LUZP2: variants seen among roughly 807,000 people sequenced by gnomAD.
LUZP2 encodes leucine zipper protein 2.
In LUZP2, 52 loss-of-function variants were observed where a neutral mutation model predicts 51.6. The observed-to-expected ratio is 1.01, with a 90% CI of 0.81 to 1.27. The LOEUF (loss-of-function observed/expected upper bound fraction) is 1.27, where lower values mean the gene tolerates loss of function less well. Among genes scored for constraint, LUZP2 ranks in the 50% most tolerant of loss-of-function variants. The probability of loss-of-function intolerance (pLI) is 0.00; values close to 1 mark genes in which losing one functional copy is unlikely to be tolerated. For missense variants in LUZP2, 436 were observed against 395.4 expected (o/e 1.10, Z -0.87); for synonymous variants, 154 against 137.3 (o/e 1.12, Z -0.85).
intron 4 of LUZP2, among the ~76,000 whole-genome samples, chr11:24,753,459 G>A (rs1590454523): frequency 6.6e-6 from 1 of 152,078 alleles, no homozygotes; most frequent in African/African-American, 2.4e-5. Flanking sequence ...AGAGTTTTAT[G>A]ATCCACAAAC....
intron 7 of LUZP2, among the ~76,000 whole-genome samples, chr11:24,920,736 A>T (rs1854024058): frequency 6.6e-6 from 1 of 152,068 alleles, no homozygotes; most frequent in South Asian, 2.1e-4. Flanking sequence ...ATGGAAGCTA[A>T]ATAATGTGTA....
At chr11:24,831,139 A>G (rs957609493) in intron 5 of LUZP2, among the ~76,000 whole-genome samples, 5 of 152,258 alleles carry the variant, frequency 3.3e-5, no homozygotes, top group Non-Finnish European at 2.9e-5. Flanking sequence ...ACAACTGACT[A>G]TCTAGCAGTT....
chr11:24,709,603 A>T (rs1169727198), intron 1 of LUZP2, among the ~76,000 whole-genome samples: 2 of 152,182 alleles, frequency 1.3e-5, no homozygotes, highest in Admixed American at 6.5e-5. Flanking sequence ...TCCATTTCAA[A>T]TTTTCCAGGA....
intron 7 of LUZP2, among the ~76,000 whole-genome samples, chr11:24,964,847 A>G (rs973680211): frequency 2.0e-5 from 3 of 151,954 alleles, no homozygotes; most frequent in African/African-American, 7.2e-5. Context: ...GTTCATATAT[A>G]TCACTGAAAT....
chr11:25,010,884 G>A (rs746916439), intron 9 of LUZP2, among the ~76,000 whole-genome samples: 8 of 152,022 alleles, frequency 5.3e-5, no homozygotes, highest in South Asian at 2.1e-4. Flanking sequence ...ACAACACTGC[G>A]AAGTGGTAGG....
chr11:24,980,642 T>A (rs889832956), intron 8 of LUZP2, among the ~76,000 whole-genome samples: 3 of 151,662 alleles, frequency 2.0e-5, no homozygotes, highest in Non-Finnish European at 4.4e-5. Flanking sequence ...ACAAGATGAT[T>A]TGAAATGATG....
chr11:24,915,527 G>A (rs1178071170), intron 7 of LUZP2, among the ~76,000 whole-genome samples: 1 of 152,014 alleles, frequency 6.6e-6, no homozygotes, highest in African/African-American at 2.4e-5. Flanking sequence ...TCCATGCAAA[G>A]GTAAAACCTT....
At chr11:24,982,657 C>CT (rs1171719107) in intron 8 of LUZP2, among the ~76,000 whole-genome samples, 4 of 151,644 alleles carry the variant, frequency 2.6e-5, no homozygotes, top group Admixed American at 6.6e-5. Flanking sequence ...AGGACAACTG[C>CT]TGGGTACTGG....
intron 9 of LUZP2, among the ~76,000 whole-genome samples, chr11:25,047,989 T>C (rs1019011923): frequency 1.2e-4 from 18 of 144,192 alleles, no homozygotes; most frequent in African/African-American, 4.4e-4. Flanking sequence ...AAAAAAAAAA[T>C]TGTAGCGACA....
chr11:25,039,072 G>A (rs1474736314), intron 9 of LUZP2, among the ~76,000 whole-genome samples: 2 of 152,160 alleles, frequency 1.3e-5, no homozygotes, highest in African/African-American at 2.4e-5. Flanking sequence ...CCCTCACCAG[G>A]TCCGCTCCTT....
chr11:24,819,146 G>A (rs554434115), intron 5 of LUZP2, among the ~76,000 whole-genome samples: 2 of 152,042 alleles, frequency 1.3e-5, no homozygotes, highest in Non-Finnish European at 2.9e-5. Flanking sequence ...GAAAAGGGAA[G>A]GGAGGCAAAT....
At chr11:24,574,278 T>C (rs1852560629) in intron 1 of LUZP2, among the ~76,000 whole-genome samples, 1 of 83,478 alleles carries the variant, frequency 1.2e-5, no homozygotes, top group East Asian at 3.7e-4. Flanking sequence ...CTTTCTTTCT[T>C]TCTTTCTTTC....
At chr11:24,912,323 G>C (rs1415185431) in intron 6 of LUZP2, among the ~76,000 whole-genome samples, 1 of 151,372 alleles carries the variant, frequency 6.6e-6, no homozygotes, top group Non-Finnish European at 1.5e-5. Context: ...TGAAATGCAG[G>C]TGACTTATAA....
chr11:24,819,401 C>A (rs1195535318), intron 5 of LUZP2, among the ~76,000 whole-genome samples: 1 of 151,978 alleles, frequency 6.6e-6, no homozygotes, highest in Non-Finnish European at 1.5e-5. Flanking sequence ...TAGTAGTAGA[C>A]CTTTGAGTGA....
chr11:24,810,078 C>G (rs1414752074), intron 5 of LUZP2, among the ~76,000 whole-genome samples: 2 of 152,052 alleles, frequency 1.3e-5, no homozygotes, highest in African/African-American at 4.8e-5. Flanking sequence ...TAGTTGTGTT[C>G]CAGGTAGTTA....
chr11:24,725,543 C>T (rs1858442443), intron 1 of LUZP2, among the ~76,000 whole-genome samples: 1 of 151,296 alleles, frequency 6.6e-6, no homozygotes, highest in Non-Finnish European at 1.5e-5. Context: ...TAAGAATAGT[C>T]CAGATGCCAT....
At chr11:24,702,238 T>A (rs1275490617) in intron 1 of LUZP2, among the ~76,000 whole-genome samples, 2 of 152,210 alleles carry the variant, frequency 1.3e-5, no homozygotes, top group Non-Finnish European at 2.9e-5. Flanking sequence ...GGAAAATCAC[T>A]GGAATAACTT....
At chr11:24,505,901 A>T (rs1256812913) in intron 1 of LUZP2, among the ~76,000 whole-genome samples, 1 of 152,120 alleles carries the variant, frequency 6.6e-6, no homozygotes, top group Non-Finnish European at 1.5e-5. Context: ...TTGCTATAAT[A>T]TGGGTAAATA....
intron 1 of LUZP2, among the ~76,000 whole-genome samples, chr11:24,587,441 C>T (rs898259167): frequency 6.6e-6 from 1 of 152,086 alleles, no homozygotes; most frequent in African/African-American, 2.4e-5. Context: ...CCTGAGCGAG[C>T]ATAAGCACAA....
Sources: gnomAD v4.1 joint callset for allele counts (sites outside exome capture counted in the v4.1 genomes callset) on GRCh38, gnomAD v4.1.1 for gene constraint, MANE v1.5 for transcripts, NCBI Gene and HGNC (gene_info 2026-07-23, HGNC 2026-07-21) for gene names.